ZNF875: variants seen among roughly 807,000 people sequenced by gnomAD.
The protein encoded by ZNF875 is HKR1, GLI-Kruppel zinc finger family member.
A neutral mutation model predicts 11.2 loss-of-function variants in ZNF875; 14 were observed. The ratio of observed to expected loss-of-function variants is 1.26; its 90% CI spans 0.83 to 1.96. The LOEUF (loss-of-function observed/expected upper bound fraction) is 1.96. Among genes scored for constraint, ZNF875 ranks in the 30% most tolerant of loss-of-function variants. ZNF875 has a pLI of 0.00. For synonymous variants in ZNF875, 301 were observed against 281.1 expected (o/e 1.07, Z -0.71); for missense variants, 752 against 760.4 (o/e 0.99, Z 0.13).
At chr19:37,323,940 A>G (rs1446908311) in intron 3 of ZNF875, among the ~76,000 whole-genome samples, 2 of 152,202 alleles carry the variant, frequency 1.3e-5, no homozygotes, top group African/African-American at 4.8e-5. Context: ...TTCTCCACAC[A>G]GTGGATCAGG....
chr19:37,317,661 T>C (rs1208422372), upstream of ZNF875, among the ~76,000 whole-genome samples: 2 of 152,234 alleles, frequency 1.3e-5, no homozygotes, highest in African/African-American at 4.8e-5. Context: ...GTTCCAGCGC[T>C]GAAATGCGCA....
intron 1 of ZNF875, among the ~76,000 whole-genome samples, chr19:37,319,395 C>T (rs959261369): frequency 2.3e-5 from 3 of 128,892 alleles, no homozygotes; most frequent in African/African-American, 9.8e-5. Flanking sequence ...ACACTATCTC[C>T]TAAATCCTTT....
intron 2 of ZNF875, among the ~76,000 whole-genome samples, chr19:37,341,723 A>G (rs145863312): frequency 9.7e-4 from 148 of 152,286 alleles, no homozygotes; most frequent in African/African-American, 3.4e-3. Flanking sequence ...CAAAAGTTTC[A>G]TCTTGATTCA....
In ZNF875 at chr19:37,363,220, G is replaced by A. The variant is rs775598633; in HGVS notation, c.1368G>A (p.Gly456=). The change falls in exon 5 of 5, where the codon GGG becomes GGA. Residue 456 remains glycine (G), a synonymous_variant. Transcript: ENST00000392153. ...GVKPYVCLEC[G]QCFSLKSNLN... ...AACCTTATGTCTGCCTGGAGTGCGGGCAGTGCTTTAGCCTGAAGTCAAACC... is the reference window on the plus strand; with the variant it reads ...AACCTTATGTCTGCCTGGAGTGCGGACAGTGCTTTAGCCTGAAGTCAAACC... The A allele has an allele frequency of 6.2e-7, 1 of 1,613,044 alleles. No individual in the cohort carries two copies. The highest frequency in any genetic ancestry group is 1.1e-5 in the South Asian group (1 of 91,006).
At chr19:37,342,964 C>T (rs1343530298) in intron 2 of ZNF875, among the ~76,000 whole-genome samples, 1 of 152,176 alleles carries the variant, frequency 6.6e-6, no homozygotes, top group Non-Finnish European at 1.5e-5. Flanking sequence ...ATGTCCTGCT[C>T]CCAAAGCTAA....
At chr19:37,320,130 C>T (rs1280417652) in intron 1 of ZNF875, among the ~76,000 whole-genome samples, 3 of 152,204 alleles carry the variant, frequency 2.0e-5, no homozygotes, top group African/African-American at 7.2e-5. Flanking sequence ...CCGCCTCGGC[C>T]TCCCAAAGTG....
At chr19:37,360,679 C>G (rs971905385) in intron 4 of ZNF875, among the ~76,000 whole-genome samples, 1 of 151,716 alleles carries the variant, frequency 6.6e-6, no homozygotes, top group African/African-American at 2.4e-5. Flanking sequence ...TTTCTCTTCT[C>G]TTTCTTTCAT....
At chr19:37,335,026 C>T in intron 1 of ZNF875, 143 bp from the exon 2 acceptor site, 2 of 563,682 alleles carry the variant, frequency 3.5e-6, no homozygotes, top group Non-Finnish European at 6.5e-6. Flanking sequence ...TCATCCTGGC[C>T]CCCCACTGGA....
chr19:37,330,840 T>C (rs1345629155), upstream of ZNF875, among the ~76,000 whole-genome samples: 2 of 152,166 alleles, frequency 1.3e-5, no homozygotes, highest in African/African-American at 4.8e-5. Flanking sequence ...CCTTTTGTGA[T>C]CATTGTTACT....
intron 2 of ZNF875, among the ~76,000 whole-genome samples, chr19:37,336,813 C>G (rs2034540658): frequency 6.6e-6 from 1 of 151,836 alleles, no homozygotes; most frequent in African/African-American, 2.4e-5. Flanking sequence ...GAGGCTGAGG[C>G]AGGAGAATCG....
chr19:37,326,768 A>G (rs990069557), intron 4 of ZNF875, among the ~76,000 whole-genome samples: 4 of 148,716 alleles, frequency 2.7e-5, no homozygotes, highest in Non-Finnish European at 5.9e-5. Flanking sequence ...TCCAGATTCA[A>G]GTGATTCTCC....
upstream of ZNF875, among the ~76,000 whole-genome samples, chr19:37,333,021 T>C (rs1304659447): frequency 5.9e-5 from 9 of 152,338 alleles, no homozygotes; most frequent in African/African-American, 2.2e-4. Context: ...GTCTTGTTGA[T>C]GTTTGTTAAT....
intron 2 of ZNF875, among the ~76,000 whole-genome samples, chr19:37,336,708 A>G (rs921794899): frequency 5.4e-5 from 8 of 147,250 alleles, no homozygotes; most frequent in Non-Finnish European, 8.9e-5. Flanking sequence ...GGAGATGGAG[A>G]CCATCCTGGC....
At chr19:37,314,203 T>C (rs2030084025), upstream of ZNF875, among the ~76,000 whole-genome samples, 1 of 152,172 alleles carries the variant, frequency 6.6e-6, no homozygotes, top group African/African-American at 2.4e-5. Flanking sequence ...CCTCGACCTC[T>C]TGGGCTCAAG....
At chr19:37,361,481 CCTTTCT>C (rs1005998163) in intron 4 of ZNF875, among the ~76,000 whole-genome samples, 2 of 152,076 alleles carry the variant, frequency 1.3e-5, no homozygotes, top group Admixed American at 1.3e-4. Context: ...CTTCTTCCTT[CCTTTCT>C]CTTTCTCTTT....
chr19:37,313,744 TTGTG>T (rs61062343), upstream of ZNF875, among the ~76,000 whole-genome samples: 37,940 of 150,110 alleles, frequency 0.25, 5,788 homozygotes, highest in African/African-American at 0.43. Flanking sequence ...TACACATCCA[TTGTG>T]TGTGTGTGTG....
chr19:37,341,729 A>G (rs1456434319), intron 2 of ZNF875, among the ~76,000 whole-genome samples: 1 of 152,170 alleles, frequency 6.6e-6, no homozygotes, highest in Non-Finnish European at 1.5e-5. Context: ...TTTCATCTTG[A>G]TTCAAAAGTC....
intron 4 of ZNF875, among the ~76,000 whole-genome samples, chr19:37,325,392 C>T (rs1037384736): frequency 2.0e-5 from 3 of 152,106 alleles, no homozygotes; most frequent in African/African-American, 2.4e-5. Context: ...AAATACAATG[C>T]CAGACACATA....
chr19:37,333,702 T>C (rs2033751915), upstream of ZNF875, among the ~76,000 whole-genome samples: 1 of 152,136 alleles, frequency 6.6e-6, no homozygotes, highest in South Asian at 2.1e-4. Flanking sequence ...CCTAAGGGAC[T>C]TTCTGGCTGC....
Sources: allele counts gnomAD v4.1 joint callset (sites outside exome capture counted in the v4.1 genomes callset), GRCh38; gene constraint gnomAD v4.1.1; transcripts MANE v1.5; gene names NCBI Gene and HGNC (gene_info 2026-07-23, HGNC 2026-07-21).